Variants in PCDHA7 observed in about 807,000 individuals in gnomAD.
PCDHA7 encodes protocadherin alpha 7.
Under a neutral mutation model 57.2 loss-of-function variants are expected in PCDHA7, and 37 were observed. The observed-to-expected ratio is 0.65, with a 90% confidence interval of 0.50 to 0.85. The LOEUF (loss-of-function observed/expected upper bound fraction) is 0.85. PCDHA7 is among the 40% of genes least tolerant of loss of function. PCDHA7 has a pLI of 0.00. For missense variants in PCDHA7, 1,188 were observed against 1,241.8 expected (o/e 0.96, Z 0.65); for synonymous variants, 553 against 558.8 (o/e 0.99, Z 0.15).
chr5:140,915,832 A>T (rs1297251550), intron 1 of PCDHA7, among the ~76,000 whole-genome samples: 1 of 152,084 alleles, frequency 6.6e-6, no homozygotes, highest in Non-Finnish European at 1.5e-5. Context: ...GGGCTCTAAG[A>T]TCAGCAGGGG....
chr5:140,869,224 C>T, intron 1 of PCDHA7: 1 of 1,613,836 alleles, frequency 6.2e-7, no homozygotes, highest in South Asian at 1.1e-5. Context: ...GGAGGCCAAA[C>T]ACGGCACCTT....
Position 140,852,727 on chromosome 5 carries a change from G to A in PCDHA7, c.2355+15989G>A, listed in dbSNP as rs1395858951. 8.1e-6 allele frequency: 8 copies of A among 983,412 alleles called. 1 individual carries two copies. The South Asian group carries it at 2.9e-4, about 35-fold the overall frequency. The allele number at this position is 983,412 out of a possible 1,614,324, so 60.9% of individuals were successfully genotyped here. The stretch of plus-strand genomic sequence containing the variant: ...ATCTTTGTCTTTGCACGTTTTTCAA[G>A]TTTCATGTGCCATTTAAACTTGGAC... On this transcript the variant is annotated intron_variant, in intron 1 of 3. Transcript: ENST00000525929.
intron 1 of PCDHA7, chr5:140,877,580 C>T (rs559831598): frequency 2.5e-6 from 4 of 1,613,804 alleles, no homozygotes; most frequent in African/African-American, 1.3e-5. Context: ...CTCATCATCG[C>T]CATCTGTGCG....
At chr5:141,005,304 A>G (rs2098205361) in intron 3 of PCDHA7, among the ~76,000 whole-genome samples, 1 of 152,200 alleles carries the variant, frequency 6.6e-6, no homozygotes, top group Non-Finnish European at 1.5e-5. Context: ...GCCTTTGTGA[A>G]TCTTACAGTG....
chr5:140,957,581 C>T (rs1396438252), intron 1 of PCDHA7, among the ~76,000 whole-genome samples: 3 of 152,066 alleles, frequency 2.0e-5, no homozygotes, highest in South Asian at 2.1e-4. Flanking sequence ...GTACTTTTAA[C>T]AAAGCACTTC....
chr5:140,869,757 A>G, intron 1 of PCDHA7: 3 of 1,613,264 alleles, frequency 1.9e-6, no homozygotes, highest in Non-Finnish European at 2.5e-6. Flanking sequence ...CAGACGGGGG[A>G]AAACCAGAGC....
chr5:140,965,193 A>G (rs1232668450), intron 1 of PCDHA7, among the ~76,000 whole-genome samples: 1 of 152,252 alleles, frequency 6.6e-6, no homozygotes, highest in East Asian at 1.9e-4. Flanking sequence ...CACATGAGGC[A>G]ATAGATTTCA....
chr5:140,887,052 G>A (rs1187906559), intron 1 of PCDHA7, among the ~76,000 whole-genome samples: 1 of 151,228 alleles, frequency 6.6e-6, no homozygotes, highest in Non-Finnish European at 1.5e-5. Flanking sequence ...TAGTGCATAT[G>A]TTCTGGCAAC....
intron 1 of PCDHA7, chr5:140,883,466 A>T: frequency 6.2e-7 from 1 of 1,614,128 alleles, no homozygotes; most frequent in Non-Finnish European, 8.5e-7. Flanking sequence ...GCTGGTGTCC[A>T]CCTACAAGAA....
intron 1 of PCDHA7, among the ~76,000 whole-genome samples, chr5:140,934,050 C>G (rs558726288): frequency 6.6e-6 from 1 of 151,834 alleles, no homozygotes; most frequent in African/African-American, 2.4e-5. Flanking sequence ...TTAGTCTTTC[C>G]AAGGCTAACT....
intron 1 of PCDHA7, chr5:140,843,304 C>A (rs2150356889): frequency 5.6e-6 from 9 of 1,595,876 alleles, no homozygotes; most frequent in Non-Finnish European, 7.7e-6. Flanking sequence ...CGCTGACCGC[C>A]ACGGCCACGG....
intron 1 of PCDHA7, among the ~76,000 whole-genome samples, chr5:140,908,488 A>G (rs2073999089): frequency 6.6e-6 from 1 of 152,206 alleles, no homozygotes; most frequent in Non-Finnish European, 1.5e-5. Flanking sequence ...TAGGCAGTTC[A>G]GGTTGCTTGG....
intron 1 of PCDHA7, chr5:140,850,027 A>G (rs2150464152): frequency 2.5e-6 from 4 of 1,596,758 alleles, no homozygotes; most frequent in Non-Finnish European, 3.4e-6. Context: ...GTGTCAGTGC[A>G]CGCGGAGAGC....
intron 1 of PCDHA7, among the ~76,000 whole-genome samples, chr5:140,964,981 T>C (rs2095867317): frequency 6.6e-6 from 1 of 152,188 alleles, no homozygotes; most frequent in Non-Finnish European, 1.5e-5. Context: ...ATGTGCTAGT[T>C]CAGGCCTTTG....
intron 1 of PCDHA7, chr5:140,967,470 C>T (rs1554229592): frequency 1.2e-6 from 2 of 1,613,462 alleles, no homozygotes; most frequent in Non-Finnish European, 8.5e-7. Context: ...GGGGGCATCC[C>T]AGCCCGCTCG....
intron 1 of PCDHA7, chr5:140,877,677 C>T (rs1554169970): frequency 6.2e-7 from 1 of 1,613,678 alleles, no homozygotes. Context: ...GCGCGCCGGG[C>T]AAGCCCACGC....
chr5:140,959,078 A>C (rs1489301308), intron 1 of PCDHA7, among the ~76,000 whole-genome samples: 1 of 152,128 alleles, frequency 6.6e-6, no homozygotes, highest in Non-Finnish European at 1.5e-5. Flanking sequence ...ATTCAGTATT[A>C]TCCTTGGTTT....
rs17844337 is a variant in PCDHA7 at position 140,851,004 on chromosome 5, A to AT, written c.2355+14274dup. The AT allele has an allele frequency of 8.9e-5, 128 of 1,434,992 alleles. 10 individuals are homozygous for AT. Among genetic ancestry groups the AT allele is most frequent in the East Asian group, 7.3e-4 (30 of 41,268 alleles). 88.9% of individuals were successfully genotyped at this position (1,434,992 alleles called of 1,614,324 possible). ...ATTCATTTTTCTAGAAATCCAGCAG[A>AT]TTTTTTTTCTGATAAAGTAAACCCC... On this transcript the variant is annotated intron_variant, in intron 1 of 3. Coordinates refer to ENST00000525929, the MANE Select transcript of PCDHA7 (RefSeq NM_018910.3).
intron 1 of PCDHA7, among the ~76,000 whole-genome samples, chr5:140,941,011 C>T (rs1554213684): frequency 6.6e-6 from 1 of 152,124 alleles, no homozygotes; most frequent in African/African-American, 2.4e-5. Context: ...TTTTCCTTTC[C>T]TATTTTCCTT....
Sources: allele counts gnomAD v4.1 joint callset (sites outside exome capture counted in the v4.1 genomes callset), GRCh38; gene constraint gnomAD v4.1.1; transcripts MANE v1.5; gene names NCBI Gene and HGNC (gene_info 2026-07-23, HGNC 2026-07-21).